DENND2B: variants seen among roughly 807,000 people sequenced by gnomAD.
DENND2B encodes DENN domain containing 2B, also known as DENN domain-containing protein 2B.
A neutral mutation model predicts 116.0 loss-of-function variants in DENND2B; 32 were observed. That is an observed-to-expected ratio of 0.28 (90% CI 0.21 to 0.37). The LOEUF is 0.37. Among genes scored for constraint, DENND2B ranks in the 10% least tolerant of loss-of-function variants. The pLI, the probability that DENND2B is intolerant of heterozygous loss-of-function variation, is 1.00. For missense variants in DENND2B, 1,276 were observed against 1,477.7 expected, an observed-to-expected ratio of 0.86 and a Z score of 2.24; for synonymous variants, 588 against 583.9, an observed-to-expected ratio of 1.01 and a Z score of -0.10.
At chr11:8,839,980 A>G (rs1157425210) in intron 3 of DENND2B, among the ~76,000 whole-genome samples, 1 of 152,040 alleles carries the variant, frequency 6.6e-6, no homozygotes, top group Non-Finnish European at 1.5e-5. Flanking sequence ...CAAGGAGTTA[A>G]GCTAAGGGGA....
Position 8,702,144 on chromosome 11 carries a change from G to C in DENND2B, c.2720+428C>G, listed in dbSNP as rs763731963. Among the ~76,000 whole-genome samples the C allele has an allele frequency of 4.6e-5, 7 of 152,028 alleles. No homozygotes were observed. The highest frequency in any genetic ancestry group is 7.2e-5 in the African/African-American group (3 of 41,384). On this transcript the variant is annotated intron_variant, in intron 14 of 19. Coordinates refer to ENST00000313726, the MANE Select transcript of DENND2B (RefSeq NM_213618.2). This position sits in a 1 kb window ranked among gnomAD's most constrained non-coding sequence, Gnocchi z 4.6. The stretch of plus-strand genomic sequence containing the variant: ...GCTCAGCATTCCTCACACTGTCCCC[G>C]GTCAGTGCTCTTGCCCCTTCCTCAC...
rs557768657 is a variant in DENND2B, at chr11:8,797,525, C to A, written c.-26+12992G>T. On this transcript the variant is annotated intron_variant, in intron 1 of 19. Coordinates refer to ENST00000313726, the MANE Select transcript of DENND2B (RefSeq NM_213618.2). ...CCTTCTTCCCACTTCCCTCTTCCCCCTTCCCCCTTTCCCCCTTTCCTCTTC... is the reference window on the plus strand; with the variant it reads ...CCTTCTTCCCACTTCCCTCTTCCCCATTCCCCCTTTCCCCCTTTCCTCTTC... Among the ~76,000 whole-genome samples the A allele has an allele frequency of 1.2e-4, 17 of 147,180 alleles. No homozygotes were observed. The South Asian group carries it at 3.5e-3, about 31-fold the overall frequency.
intron 2 of DENND2B, among the ~76,000 whole-genome samples, chr11:8,862,323 T>C (rs12806739): frequency 2.2e-4 from 1 of 4,572 alleles, no homozygotes; most frequent in Non-Finnish European, 2.0e-3. Flanking sequence ...TTTTTCACTC[T>C]TTTTTTTTTT....
intron 2 of DENND2B, among the ~76,000 whole-genome samples, chr11:8,864,177 G>A (rs940878748): frequency 6.6e-6 from 1 of 152,158 alleles, no homozygotes; most frequent in African/African-American, 2.4e-5. Context: ...AGACCAGAGT[G>A]TTGTAAAAAC....
chr11:8,868,218 A>G (rs2063652911), intron 2 of DENND2B, among the ~76,000 whole-genome samples: 1 of 152,250 alleles, frequency 6.6e-6, no homozygotes, highest in African/African-American at 2.4e-5. Flanking sequence ...TGAGACAGGA[A>G]TTGAAACACC....
intron 4 of DENND2B, among the ~76,000 whole-genome samples, chr11:8,828,419 C>T (rs1455670204): frequency 1.3e-5 from 2 of 152,134 alleles, no homozygotes; most frequent in Non-Finnish European, 2.9e-5. Context: ...GGTTTGTCTT[C>T]AGGGGCTCCA....
chr11:8,799,194 C>T (rs958558037), intron 1 of DENND2B, among the ~76,000 whole-genome samples: 14 of 152,174 alleles, frequency 9.2e-5, no homozygotes, highest in Non-Finnish European at 1.2e-4. Context: ...GTTGACAAAA[C>T]CAATAGCCCT....
At chr11:8,734,988 T>G (rs1341331931) in intron 2 of DENND2B, among the ~76,000 whole-genome samples, 1 of 110,718 alleles carries the variant, frequency 9.0e-6, no homozygotes, top group African/African-American at 3.6e-5. Context: ...CAATGGATCC[T>G]GAACGCTGTC....
intron 1 of DENND2B, chr11:8,766,565 G>A (rs1420988063): frequency 2.4e-6 from 3 of 1,228,174 alleles, no homozygotes; most frequent in African/African-American, 3.1e-5. Flanking sequence ...ACCAAGGAGA[G>A]GGCTTCCACT....
At chr11:8,893,218 C>A (rs1236481314) in intron 1 of DENND2B, among the ~76,000 whole-genome samples, 2 of 152,162 alleles carry the variant, frequency 1.3e-5, no homozygotes, top group African/African-American at 2.4e-5. Context: ...TAAAAACTCT[C>A]AATAAATTAG....
intron 1 of DENND2B, among the ~76,000 whole-genome samples, chr11:8,750,966 T>C (rs1366961382): frequency 6.6e-6 from 1 of 152,126 alleles, no homozygotes; most frequent in Non-Finnish European, 1.5e-5. Flanking sequence ...GCACTCTGTG[T>C]CTAGCTCAAG....
intron 1 of DENND2B, among the ~76,000 whole-genome samples, chr11:8,803,400 T>C (rs1159779207): frequency 6.6e-6 from 1 of 152,026 alleles, no homozygotes; most frequent in African/African-American, 2.4e-5. Flanking sequence ...AAATGTCAAG[T>C]CAGGATGTCA....
chr11:8,712,116 G>A lies in DENND2B; in HGVS notation c.2172+435C>T. On this transcript the variant is annotated intron_variant, in intron 9 of 19. Transcript: ENST00000313726. This position sits in a 1 kb window ranked among gnomAD's most constrained non-coding sequence, Gnocchi z 4.4. ...AGGCCAGGCTGGCTGGCGACAAGCA[G>A]GGAAGGCGGAGTGAGAGACAGGCTG... 2.5e-6 allele frequency: 1 copy of A among 400,336 alleles called. No homozygotes were observed. The highest frequency in any genetic ancestry group is 5.1e-6 in the Non-Finnish European group (1 of 195,510). 24.8% of individuals were successfully genotyped at this position (400,336 alleles called of 1,614,324 possible).
At chr11:8,746,065 G>T (rs2051185914) in intron 2 of DENND2B, among the ~76,000 whole-genome samples, 1 of 151,632 alleles carries the variant, frequency 6.6e-6, no homozygotes, top group South Asian at 2.1e-4. Flanking sequence ...CAGCATCATG[G>T]TTGGATTCTA....
In DENND2B at chr11:8,707,120, T is replaced by C. The variant is rs778156446; in HGVS notation, c.2536A>G (p.Lys846Glu). ...GCACCTGGCAGGAATGTCTTCACTT[T>C]GATGGTCTTCCCTGGGGCTGGGAAG... is the stretch of plus-strand genomic sequence containing the variant. ...SPFPAPGKTI[K>E]VKTFLPGAGN... Residue 846 changes from lysine to glutamate, a missense_variant, in exon 13 of 20, where the codon AAA becomes GAA. This residue lies in a region of DENND2B where 420 missense variants were observed against 631.1 expected (regional missense o/e 0.67). Coordinates refer to ENST00000313726, the MANE Select transcript of DENND2B (RefSeq NM_213618.2). The surrounding 1 kb of genome is among the most constrained non-coding windows in gnomAD (Gnocchi z 4.8). The C allele has an allele frequency of 4.3e-6, 7 of 1,613,742 alleles. No homozygotes were observed. The highest frequency in any genetic ancestry group is 3.3e-5 in the South Asian group (3 of 90,944).
At chr11:8,774,934 G>A (rs922823253) in intron 1 of DENND2B, among the ~76,000 whole-genome samples, 2 of 150,896 alleles carry the variant, frequency 1.3e-5, no homozygotes, top group African/African-American at 4.9e-5. Context: ...AGGCTGCAGT[G>A]CAATGGCGTG....
At chr11:8,783,171 T>G (rs148104687) in intron 1 of DENND2B, among the ~76,000 whole-genome samples, 1 of 151,610 alleles carries the variant, frequency 6.6e-6, no homozygotes, top group African/African-American at 2.4e-5. Context: ...CCTCCCACCT[T>G]AGCCTCTTGA....
intron 1 of DENND2B, among the ~76,000 whole-genome samples, chr11:8,754,025 G>GCACA (rs58878035): frequency 1.1e-3 from 9 of 8,056 alleles, no homozygotes; most frequent in African/African-American, 1.4e-3. Flanking sequence ...AACACCAAAA[G>GCACA]CGCGCACACA....
At chr11:8,833,128 C>A (rs2062283608) in intron 4 of DENND2B, among the ~76,000 whole-genome samples, 1 of 152,218 alleles carries the variant, frequency 6.6e-6, no homozygotes, top group East Asian at 1.9e-4. Context: ...CAGATGGGCT[C>A]TAATGCCTCC....
Sources: allele counts gnomAD v4.1 joint callset (sites outside exome capture counted in the v4.1 genomes callset), GRCh38; gene constraint gnomAD v4.1.1; regional missense constraint gnomAD v4.1.1; non-coding constraint Gnocchi (gnomAD v3.1); transcripts MANE v1.5; gene names NCBI Gene and HGNC (gene_info 2026-07-23, HGNC 2026-07-21).